GALNT13: variants seen among roughly 807,000 people sequenced by gnomAD.
The protein encoded by GALNT13 is UDP-GalNAc:polypeptide N-acetylgalactosaminyltransferase 13.
Under a neutral mutation model 64.2 loss-of-function variants are expected in GALNT13, and 28 were observed. The ratio of observed to expected loss-of-function variants is 0.44; its 90% CI spans 0.32 to 0.60. The LOEUF (loss-of-function observed/expected upper bound fraction) is 0.60. Among genes scored for constraint, GALNT13 ranks in the 20% least tolerant of loss-of-function variants. The pLI is 0.05. For synonymous variants in GALNT13, 214 were observed against 224.6 expected, an observed-to-expected ratio of 0.95 and a Z score of 0.42; for missense variants, 577 against 669.8, an observed-to-expected ratio of 0.86 and a Z score of 1.53.
At chr2:153,915,798 A>C (rs1689293533) in intron 2 of GALNT13, among the ~76,000 whole-genome samples, 1 of 152,190 alleles carries the variant, frequency 6.6e-6, no homozygotes, top group Non-Finnish European at 1.5e-5. Flanking sequence ...TCTATGCAGC[A>C]AGAATGAAAA....
At chr2:153,478,309 C>T in the GALNT13 span, 2 of 1,614,134 alleles carry the variant, frequency 1.2e-6, no homozygotes, top group Non-Finnish European at 1.7e-6. Flanking sequence ...GTTGATCATG[C>T]CCTCGGACTT....
At chr2:154,251,915 T>A (rs1397841750) in intron 7 of GALNT13, among the ~76,000 whole-genome samples, 1 of 152,162 alleles carries the variant, frequency 6.6e-6, no homozygotes, top group Admixed American at 6.5e-5. Flanking sequence ...AATAAAGCCA[T>A]TAGATTTTAT....
chr2:153,569,569 G>A, the GALNT13 span, among the ~76,000 whole-genome samples: 1 of 151,210 alleles, frequency 6.6e-6, no homozygotes, highest in Admixed American at 6.6e-5. Flanking sequence ...GTACATAGTA[G>A]GTGTATATAT....
chr2:153,266,681 A>G, the GALNT13 span, among the ~76,000 whole-genome samples: 36 of 152,150 alleles, frequency 2.4e-4, no homozygotes, highest in Non-Finnish European at 5.1e-4. Flanking sequence ...AACTGCCCCC[A>G]TGATCCAATC....
rs575453918 is a variant in GALNT13 at position 154,114,789 on chromosome 2, C to T, written c.143-25548C>T. On this transcript the variant is annotated intron_variant, in intron 3 of 12. Coordinates refer to ENST00000392825, the MANE Select transcript of GALNT13 (RefSeq NM_052917.4). The stretch of plus-strand genomic sequence containing the variant: ...TTCCTATTAATTTTAATTCTAGGAA[C>T]ACTGTGATTAATTAGCTAATGCCCA... Among the ~76,000 whole-genome samples the T allele has an allele frequency of 3.3e-5, 5 of 152,292 alleles. 1 individual carries two copies. In the South Asian group the frequency reaches 1.0e-3, roughly 32 times the overall value.
chr2:153,251,778 T>C, the GALNT13 span, among the ~76,000 whole-genome samples: 12,549 of 151,958 alleles, frequency 0.083, 596 homozygotes, highest in South Asian at 0.13. Flanking sequence ...ATTTCATCCA[T>C]GTCCCTACAA....
chr2:153,166,916 G>C, the GALNT13 span, among the ~76,000 whole-genome samples: 1 of 152,160 alleles, frequency 6.6e-6, no homozygotes, highest in African/African-American at 2.4e-5. Context: ...TAGCTGCAAG[G>C]AACTGAATTC....
the GALNT13 span, among the ~76,000 whole-genome samples, chr2:153,285,772 G>T: frequency 6.6e-6 from 1 of 151,958 alleles, no homozygotes; most frequent in African/African-American, 2.4e-5. Flanking sequence ...ATTTTTAAAA[G>T]CACTAGCCAA....
At chr2:153,815,453 A>G in the GALNT13 span, among the ~76,000 whole-genome samples, 1 of 152,196 alleles carries the variant, frequency 6.6e-6, no homozygotes, top group African/African-American at 2.4e-5. Flanking sequence ...GTAGAGCCCA[A>G]TTACCAAATT....
the GALNT13 span, among the ~76,000 whole-genome samples, chr2:153,639,615 A>G: frequency 1.3e-5 from 2 of 152,198 alleles, no homozygotes; most frequent in African/African-American, 4.8e-5. Context: ...AATGTAGGAA[A>G]GGAAGAATTC....
At chr2:153,931,235 T>C (rs894516247) in intron 2 of GALNT13, among the ~76,000 whole-genome samples, 1 of 150,702 alleles carries the variant, frequency 6.6e-6, no homozygotes, top group Non-Finnish European at 1.5e-5. Context: ...TCTGATCTAG[T>C]AGCCTTTTAG....
intron 3 of GALNT13, among the ~76,000 whole-genome samples, chr2:154,014,683 A>G (rs1221380799): frequency 9.4e-6 from 1 of 106,914 alleles, no homozygotes; most frequent in Non-Finnish European, 1.8e-5. Context: ...CCCAGGCTGG[A>G]GTGCAGTGGC....
intron 9 of GALNT13, among the ~76,000 whole-genome samples, chr2:154,354,405 C>CTTTTTTTTTTTT (rs546187850): frequency 1.7e-5 from 1 of 60,360 alleles, no homozygotes; most frequent in African/African-American, 6.9e-5. Context: ...TGATGTAGTC[C>CTTTTTTTTTTTT]TTTTTTTTTT....
the GALNT13 span, among the ~76,000 whole-genome samples, chr2:153,643,908 A>G: frequency 5.9e-5 from 9 of 151,956 alleles, no homozygotes; most frequent in Admixed American, 2.0e-4. Flanking sequence ...CAAACTGGCA[A>G]TGGAAATTTT....
the GALNT13 span, among the ~76,000 whole-genome samples, chr2:153,734,090 A>G: frequency 6.6e-6 from 1 of 152,130 alleles, no homozygotes; most frequent in Non-Finnish European, 1.5e-5. Context: ...GACTGCCCTA[A>G]GGTCAGAAGC....
chr2:153,303,627 T>C, the GALNT13 span, among the ~76,000 whole-genome samples: 1 of 152,196 alleles, frequency 6.6e-6, no homozygotes, highest in Non-Finnish European at 1.5e-5. Flanking sequence ...GTCTTGGTCC[T>C]GATTTTGGAG....
intron 12 of GALNT13, chr2:154,445,783 T>C (rs1271283239): frequency 1.6e-6 from 2 of 1,286,136 alleles, no homozygotes; most frequent in Non-Finnish European, 2.0e-6. Flanking sequence ...GGTCTTTCAC[T>C]AAGTGTTTGA....
chr2:153,894,413 T>C (rs1240686044), intron 1 of GALNT13, among the ~76,000 whole-genome samples: 2 of 151,888 alleles, frequency 1.3e-5, no homozygotes, highest in Non-Finnish European at 2.9e-5. Context: ...TACAGAGAGG[T>C]TATGTTTAAA....
chr2:153,387,665 G>A, the GALNT13 span, among the ~76,000 whole-genome samples: 1 of 151,988 alleles, frequency 6.6e-6, no homozygotes, highest in African/African-American at 2.4e-5. Context: ...TTTACTTATA[G>A]GAATAAAAAG....
Sources: allele counts gnomAD v4.1 joint callset (sites outside exome capture counted in the v4.1 genomes callset), GRCh38; gene constraint gnomAD v4.1.1; transcripts MANE v1.5; gene names NCBI Gene and HGNC (gene_info 2026-07-23, HGNC 2026-07-21).